KIAA1671: variants seen among roughly 807,000 people sequenced by gnomAD.
KIAA1671 encodes uncharacterized protein KIAA1671.
KIAA1671 carries 52 observed loss-of-function variants against 131.2 expected under a neutral mutation model. The ratio of observed to expected loss-of-function variants is 0.40; its 90% confidence interval spans 0.32 to 0.50. The LOEUF is 0.50. Among genes scored for constraint, KIAA1671 ranks in the 20% least tolerant of loss-of-function variants. The probability of loss-of-function intolerance (pLI) is 0.73; values close to 1 mark genes in which losing one functional copy is unlikely to be tolerated. For synonymous variants in KIAA1671, 1,003 were observed against 961.6 expected (o/e 1.04, Z -0.80); for missense variants, 2,360 against 2,364.2 (o/e 1.00, Z 0.04).
rs191253278 is a variant in KIAA1671, at chr22:25,155,676, G to C, written c.4531-15144G>C. Among the ~76,000 whole-genome samples, 7 of 152,130 alleles carry C rather than the reference G, an allele frequency of 4.6e-5. No individual in the cohort carries two copies. The East Asian group carries it at 9.7e-4, about 21-fold the overall frequency. On this transcript the variant is annotated intron_variant, in intron 6 of 12. Coordinates refer to ENST00000358431, the MANE Select transcript of KIAA1671 (RefSeq NM_001145206.2). The stretch of plus-strand genomic sequence containing the variant: ...GTGTGCATATGTAAGTATTGTGTAT[G>C]TGTGTATGCATATCTGTGTGTTTAT...
chr22:25,139,663 TG>T lies in KIAA1671; in HGVS notation c.4531-31154del, dbSNP rs779663829. Among the ~76,000 whole-genome samples the T allele has an allele frequency of 2.2e-4, 33 of 152,142 alleles. 1 individual carries two copies. The highest frequency in any genetic ancestry group is 4.1e-4 in the Non-Finnish European group (28 of 68,030). On this transcript the variant is annotated intron_variant, in intron 6 of 12. Transcript: ENST00000358431. ...CAACAGCAAAAGCAGTCTAATATCA[TG>T]GGTGGTGAGTGCTGTGAAGAAAAGT...
intron 1 of KIAA1671, among the ~76,000 whole-genome samples, chr22:25,007,578 T>C (rs1050977112): frequency 1.3e-5 from 2 of 151,722 alleles, no homozygotes; most frequent in Non-Finnish European, 2.9e-5. Flanking sequence ...TGGACCACAC[T>C]GAAGACTAGC....
chr22:24,978,843 C>T (rs1450233158), intron 1 of KIAA1671, among the ~76,000 whole-genome samples: 1 of 151,996 alleles, frequency 6.6e-6, no homozygotes, highest in Non-Finnish European at 1.5e-5. Flanking sequence ...ACCACCATGC[C>T]CAGCTAATTT....
At chr22:25,041,597 A>AT (rs1319460298) in intron 5 of KIAA1671, 72 bp downstream of exon 5, 21 of 1,424,276 alleles carry the variant, frequency 1.5e-5, no homozygotes, top group Non-Finnish European at 1.9e-5. Flanking sequence ...CGAAACTCAG[A>AT]TTTTGTGTGG....
Position 24,965,313 on chromosome 22 carries a change from G to A in KIAA1671, c.-208+12541G>A, listed in dbSNP as rs61649513. Among the ~76,000 whole-genome samples the A allele has an allele frequency of 2.6e-3, 387 of 151,666 alleles. 1 individual carries two copies. Among genetic ancestry groups the A allele is most frequent in the Middle Eastern group, 0.01 (3 of 292 alleles). On this transcript the variant is annotated intron_variant, in intron 1 of 12. Transcript: ENST00000358431. ...ACTTGTAATACCAGCTACTCGGGAGGTTGAAGCGAGAAAATCGCTTGAACC... is the reference window on the plus strand; with the variant it reads ...ACTTGTAATACCAGCTACTCGGGAGATTGAAGCGAGAAAATCGCTTGAACC...
At chr22:24,963,082 C>G (rs541874484) in intron 1 of KIAA1671, among the ~76,000 whole-genome samples, 4 of 152,114 alleles carry the variant, frequency 2.6e-5, no homozygotes, top group African/African-American at 9.7e-5. Context: ...TCACTCTCTC[C>G]TTCAGTTGGG....
intron 6 of KIAA1671, among the ~76,000 whole-genome samples, chr22:25,097,779 C>A (rs1930461415): frequency 6.6e-6 from 1 of 151,574 alleles, no homozygotes. Context: ...CCACTCAAAA[C>A]ACAAAGAAGG....
chr22:25,087,980 T>C (rs1312253396), intron 6 of KIAA1671, among the ~76,000 whole-genome samples: 1 of 152,196 alleles, frequency 6.6e-6, no homozygotes, highest in Non-Finnish European at 1.5e-5. Flanking sequence ...TTAAATGAGA[T>C]GCTGGGTATA....
chr22:24,987,669 C>T (rs1025783675), intron 1 of KIAA1671, among the ~76,000 whole-genome samples: 5 of 152,164 alleles, frequency 3.3e-5, no homozygotes, highest in African/African-American at 1.2e-4. Context: ...TGGGGTCTTG[C>T]TGTATTGCCC....
At chr22:25,165,067 G>C (rs989878391) in intron 6 of KIAA1671, among the ~76,000 whole-genome samples, 7 of 151,314 alleles carry the variant, frequency 4.6e-5, no homozygotes, top group African/African-American at 7.3e-5. Context: ...CTAAGCTCAA[G>C]TGTTGATTTG....
At chr22:25,053,428 G>T (rs954016511) in intron 6 of KIAA1671, 2 of 152,180 alleles carry the variant, frequency 1.3e-5, no homozygotes, top group Non-Finnish European at 2.9e-5. Context: ...TACCCTGGAG[G>T]CCCATCTTGT....
chr22:24,964,426 T>C (rs1272257765), intron 1 of KIAA1671, among the ~76,000 whole-genome samples: 2 of 152,066 alleles, frequency 1.3e-5, no homozygotes, highest in African/African-American at 4.8e-5. Context: ...CTATGTACTT[T>C]TTTTTTTATT....
chr22:24,967,809 G>A (rs576748546), intron 1 of KIAA1671, among the ~76,000 whole-genome samples: 31 of 152,278 alleles, frequency 2.0e-4, no homozygotes, highest in East Asian at 7.7e-4. Context: ...TGGCTAACAC[G>A]GTGAAACCCT....
intron 3 of KIAA1671, among the ~76,000 whole-genome samples, chr22:25,030,244 A>G (rs1329301124): frequency 6.6e-6 from 1 of 152,104 alleles, no homozygotes; most frequent in East Asian, 1.9e-4. Flanking sequence ...TTGGTTAATA[A>G]TGATGTTCTA....
chr22:25,183,243 G>A (rs1347357633), intron 10 of KIAA1671, among the ~76,000 whole-genome samples: 2 of 152,196 alleles, frequency 1.3e-5, no homozygotes, highest in East Asian at 1.9e-4. Flanking sequence ...ATCCCCATGT[G>A]GGAGCGCCGT....
chr22:25,046,250 G>A (rs923987134), intron 5 of KIAA1671, among the ~76,000 whole-genome samples: 6 of 152,044 alleles, frequency 3.9e-5, no homozygotes, highest in African/African-American at 7.2e-5. Context: ...TGTAGTGAGC[G>A]GAGATCGTGC....
intron 1 of KIAA1671, among the ~76,000 whole-genome samples, chr22:24,993,662 A>C (rs78822324): frequency 0.035 from 5,292 of 152,320 alleles, 202 homozygotes; most frequent in African/African-American, 0.08. Context: ...CACCTGCTCT[A>C]AACTCCACGT....
At chr22:25,165,475 G>A (rs947894070) in intron 6 of KIAA1671, among the ~76,000 whole-genome samples, 8 of 152,226 alleles carry the variant, frequency 5.3e-5, no homozygotes, top group African/African-American at 1.9e-4. Flanking sequence ...CAGCAGTGCT[G>A]TACACTACAG....
At chr22:24,956,803 C>T (rs1037370546) in intron 1 of KIAA1671, among the ~76,000 whole-genome samples, 1 of 146,244 alleles carries the variant, frequency 6.8e-6, no homozygotes, top group Non-Finnish European at 1.5e-5. Flanking sequence ...ACTGGCGAGG[C>T]GGAGCTTACA....
Sources: allele counts gnomAD v4.1 joint callset (sites outside exome capture counted in the v4.1 genomes callset), GRCh38; gene constraint gnomAD v4.1.1; transcripts MANE v1.5; gene names NCBI Gene and HGNC (gene_info 2026-07-23, HGNC 2026-07-21).